Variants in CXXC4 observed in about 807,000 individuals in gnomAD.
CXXC4 encodes the protein CXXC-type zinc finger protein 4.
In CXXC4, 5 loss-of-function variants were observed where a neutral mutation model predicts 20.5. The ratio of observed to expected loss-of-function variants is 0.24; its 90% CI spans 0.13 to 0.51. The LOEUF (loss-of-function observed/expected upper bound fraction) is 0.51. CXXC4 is among the 20% of genes least tolerant of loss of function. The pLI is 0.97. For missense variants in CXXC4, 419 were observed against 496.4 expected (o/e 0.84, Z 1.48); for synonymous variants, 250 against 216.4 (o/e 1.16, Z -1.36).
rs1330404895 is a variant in CXXC4, at chr4:104,470,053, A to G, written c.*2269T>C. On this transcript the variant is annotated 3_prime_UTR_variant, in exon 3 of 3. Coordinates refer to ENST00000394767, the MANE Select transcript of CXXC4 (RefSeq NM_025212.4). ...TTTCACTTCTGTAATAACAATCATC[A>G]TTTTCCAAAGAGCAAGGCAAGCTTA... 1 of 151,836 alleles carries G rather than the reference A, an allele frequency of 6.6e-6. No homozygotes were observed. The highest frequency in any genetic ancestry group is 1.5e-5 in the Non-Finnish European group (1 of 67,920). 9.4% of individuals were successfully genotyped at this position (151,836 alleles called of 1,614,324 possible).
At chr4:104,473,649 G>A (rs1736331996) in intron 2 of CXXC4, among the ~76,000 whole-genome samples, 1 of 151,900 alleles carries the variant, frequency 6.6e-6, no homozygotes, top group African/African-American at 2.4e-5. Flanking sequence ...CAACAAGCCT[G>A]TATAAATCGT....
At chr4:104,488,117 A>T (rs1055107096) in intron 2 of CXXC4, among the ~76,000 whole-genome samples, 1 of 152,220 alleles carries the variant, frequency 6.6e-6, no homozygotes, top group Non-Finnish European at 1.5e-5. Context: ...GGCACCCATA[A>T]TTCAAAGCCA....
intron 1 of CXXC4, among the ~76,000 whole-genome samples, chr4:104,493,707 G>C (rs1343372478): frequency 2.0e-5 from 3 of 152,180 alleles, no homozygotes; most frequent in Non-Finnish European, 2.9e-5. Flanking sequence ...TCTCAGGTCT[G>C]AGGGCAATAC....
At chr4:104,489,564 T>G (rs1736786928) in intron 2 of CXXC4, among the ~76,000 whole-genome samples, 1 of 152,236 alleles carries the variant, frequency 6.6e-6, no homozygotes, top group Non-Finnish European at 1.5e-5. Context: ...AAGCACAGAA[T>G]GCTAAACCCA....
chr4:104,487,810 G>A (rs1736735687), intron 2 of CXXC4, among the ~76,000 whole-genome samples: 1 of 151,956 alleles, frequency 6.6e-6, no homozygotes, highest in Admixed American at 6.6e-5. Context: ...TATGATCAAG[G>A]GGTGATTTTA....
In CXXC4 at chr4:104,468,521, GA is replaced by G. The variant is rs776405590; in HGVS notation, c.*3800del. Reference sequence around the variant, plus strand: ...ATACACCTTACACAAATATCTATTAGAAAATTTAATAGATAACTGCACAGTT... The same window carrying G: ...ATACACCTTACACAAATATCTATTAGAAATTTAATAGATAACTGCACAGTT... On this transcript the variant is annotated 3_prime_UTR_variant, in exon 3 of 3. Coordinates refer to ENST00000394767, the MANE Select transcript of CXXC4 (RefSeq NM_025212.4). 8.0e-5 allele frequency: 12 copies of G among 150,156 alleles called. No homozygotes were observed. Among genetic ancestry groups the G allele is most frequent in the Non-Finnish European group, 1.3e-4 (9 of 67,698 alleles). 9.3% of individuals were successfully genotyped at this position (150,156 alleles called of 1,614,324 possible).
At chr4:104,482,593 T>A (rs1427699023) in intron 2 of CXXC4, among the ~76,000 whole-genome samples, 1 of 152,124 alleles carries the variant, frequency 6.6e-6, no homozygotes, top group Admixed American at 6.5e-5. Context: ...AATAGAGAAG[T>A]TATTCCCAAG....
chr4:104,494,067 C>G lies in CXXC4; in HGVS notation c.-258+634G>C, dbSNP rs11097863. On this transcript the variant is annotated intron_variant, in intron 1 of 2. Transcript: ENST00000394767. ...CTCTTCCTACCTCAAGGTTTAATAC[C>G]ACCAGAAACTGTAGAAAATGATTAT... is the stretch of plus-strand genomic sequence containing the variant. 7.6e-3 allele frequency among the ~76,000 whole-genome samples: 1,161 copies of G among 152,172 alleles called. 15 individuals are homozygous for G. The highest frequency in any genetic ancestry group is 0.027 in the African/African-American group (1,116 of 41,514).
chr4:104,473,789 C>CATT (rs1736337219), intron 2 of CXXC4, among the ~76,000 whole-genome samples: 1 of 66,498 alleles, frequency 1.5e-5, no homozygotes, highest in Non-Finnish European at 2.8e-5. Context: ...CATCTTAAAA[C>CATT]ATTAATAGCA....
chr4:104,469,973 C>A lies in CXXC4; in HGVS notation c.*2349G>T, dbSNP rs906433113. On this transcript the variant is annotated 3_prime_UTR_variant, in exon 3 of 3. Coordinates refer to ENST00000394767, the MANE Select transcript of CXXC4 (RefSeq NM_025212.4). ...GAATGTATTTTAGACTCTCAGTATA[C>A]TTCTATGAGATCTTTAGGTTATTGT... 5 of 151,850 alleles carry A rather than the reference C, an allele frequency of 3.3e-5. No homozygotes were observed. Among genetic ancestry groups the A allele is most frequent in the Non-Finnish European group, 5.9e-5 (4 of 67,924 alleles). 9.4% of individuals were successfully genotyped at this position (151,850 alleles called of 1,614,324 possible). A position where few individuals can be genotyped will look rare whatever the true frequency, so the allele number is the denominator to read the frequency against.
chr4:104,478,323 T>C (rs1560539710), intron 2 of CXXC4, among the ~76,000 whole-genome samples: 2 of 152,160 alleles, frequency 1.3e-5, no homozygotes, highest in African/African-American at 2.4e-5. Flanking sequence ...GATGACTTTA[T>C]ACATTATGTT....
chr4:104,494,668 G>GTT, intron 1 of CXXC4, 33 bp downstream of exon 1: 1 of 147,646 alleles, frequency 6.8e-6, no homozygotes, highest in Non-Finnish European at 1.5e-5. Flanking sequence ...TGGGGGGGGG[G>GTT]GGGTAAATAA....
chr4:104,472,412 C>G, intron 2 of CXXC4, 46 bp from the exon 3 acceptor site: 6 of 1,429,070 alleles, frequency 4.2e-6, no homozygotes, highest in African/African-American at 1.4e-5. Context: ...CTTTCTATGC[C>G]AATATAAAAT....
At position 104,491,367 on chromosome 4, in the gene CXXC4, C is replaced by CGGA. The variant is rs748145255; in HGVS notation, c.433_435dup (p.Ser145dup). The CGGA allele has an allele frequency of 2.2e-5, 32 of 1,423,012 alleles. No individual in the cohort carries two copies. The highest frequency in any genetic ancestry group is 2.9e-5 in the Non-Finnish European group (32 of 1,089,536). 88.1% of individuals were successfully genotyped at this position (1,423,012 alleles called of 1,614,324 possible). A position where few individuals can be genotyped will look rare whatever the true frequency, so the allele number is the denominator to read the frequency against. ...GGGAGGATCGCCGAGGAGGAGGAGG[C>CGGA]GGAGGAGGAGGCGGCGGCGGAGGAG... On this transcript the variant is annotated inframe_insertion, in exon 2 of 3. Transcript: ENST00000394767.
intron 1 of CXXC4, among the ~76,000 whole-genome samples, chr4:104,493,887 G>A (rs1736971944): frequency 6.6e-6 from 1 of 152,218 alleles, no homozygotes; most frequent in African/African-American, 2.4e-5. Flanking sequence ...CCATGCATTA[G>A]ATATCATCAC....
At position 104,491,404 on chromosome 4, in the gene CXXC4, GC is replaced by G; in HGVS notation, c.398del (p.Gly133AlafsTer82). 1.7e-6 allele frequency: 2 copies of G among 1,187,908 alleles called. No individual in the cohort carries two copies. Among genetic ancestry groups the G allele is most frequent in the Non-Finnish European group, 1.1e-6 (1 of 943,568 alleles). The allele number at this position is 1,187,908 out of a possible 1,614,324, so 73.6% of individuals were successfully genotyped here. On this transcript the variant is annotated frameshift_variant, in exon 2 of 3. Transcript: ENST00000394767. LOFTEE classifies it high-confidence loss of function. Reference protein sequence around the residue: ...GGGGGGGGGGGGRKSSSAAAS... With the variant: ...GGGGGGGGGGXGRKSSSAAAS... ...CGGCGGCGGAGGAGGATTTCCTGCC[GC>G]CCCCACCACCCCCGCCCCCGCCTCC...
At position 104,492,682 on chromosome 4, in the gene CXXC4, C is replaced by T. The variant is rs6858849; in HGVS notation, c.-257-623G>A. Among the ~76,000 whole-genome samples, 634 of 152,170 alleles carry T rather than the reference C, an allele frequency of 4.2e-3. 5 individuals carry two copies. Among genetic ancestry groups the T allele is most frequent in the African/African-American group, 0.015 (605 of 41,504 alleles). On this transcript the variant is annotated intron_variant, in intron 1 of 2. Transcript: ENST00000394767. The stretch of plus-strand genomic sequence containing the variant: ...AAGAACTACCAGCTGCCACAGTATC[C>T]TTCTGTGTCTGCGGTCATTAGTTTG...
intron 1 of CXXC4, 70 bp from the exon 2 acceptor site, chr4:104,492,129 T>C (rs960181887): frequency 1.6e-5 from 3 of 181,928 alleles, no homozygotes; most frequent in Admixed American, 1.2e-4. Context: ...CCTCCCTCAC[T>C]AACCCACCGC....
At chr4:104,492,217 C>A (rs1279924364) in intron 1 of CXXC4, among the ~76,000 whole-genome samples, 158 bp from the exon 2 acceptor site, 1 of 122,214 alleles carries the variant, frequency 8.2e-6, no homozygotes, top group African/African-American at 3.0e-5. Context: ...CCCAGCCCAT[C>A]CCCCCCAACT....
Sources: allele counts gnomAD v4.1 joint callset (sites outside exome capture counted in the v4.1 genomes callset), GRCh38; gene constraint gnomAD v4.1.1; transcripts MANE v1.5; gene names NCBI Gene and HGNC (gene_info 2026-07-23, HGNC 2026-07-21).